C10orf88: variants seen among roughly 807,000 people sequenced by gnomAD.
The protein encoded by C10orf88 is chromosome 10 open reading frame 88.
C10orf88 carries 29 observed loss-of-function variants against 34.2 expected under a neutral mutation model. The observed-to-expected ratio is 0.85, with a 90% CI of 0.63 to 1.16. C10orf88 has a LOEUF of 1.16. Ranked by LOEUF, C10orf88 falls within the 50% of genes most tolerant of loss-of-function variation. The probability of loss-of-function intolerance (pLI) is 0.00; values close to 1 mark genes in which losing one functional copy is unlikely to be tolerated. For synonymous variants in C10orf88, 194 were observed against 197.4 expected, an observed-to-expected ratio of 0.98 and a Z score of 0.15; for missense variants, 507 against 533.2, an observed-to-expected ratio of 0.95 and a Z score of 0.48.
At chr10:122,934,522 A>G (rs1374396892) in intron 5 of C10orf88, among the ~76,000 whole-genome samples, 4 of 152,194 alleles carry the variant, frequency 2.6e-5, no homozygotes, top group Non-Finnish European at 5.9e-5. Context: ...ACTGCTCATC[A>G]GCACTGCGTG....
At position 122,938,117 on chromosome 10, in the gene C10orf88, T is replaced by A. The variant is rs777301305; in HGVS notation, c.691A>T (p.Asn231Tyr). ...CCAATCATATGCTTGTATCCAGAAT[T>A]GCCCAACACCGACTGAAGCTGCTCT... ...IGEQLQSVLGNSGYKHMIGLQ... is the reference protein window; with the variant it reads ...IGEQLQSVLGYSGYKHMIGLQ... Residue 231 changes from asparagine (N) to tyrosine (Y), a missense_variant, in exon 5 of 6, where the codon AAT (asparagine) becomes TAT (tyrosine). Asn to Tyr is a moderately radical substitution (Grantham distance 143, BLOSUM62 -2). Transcript: ENST00000481909. 11 of 1,609,914 alleles carry A rather than the reference T, an allele frequency of 6.8e-6. No homozygotes were observed. The highest frequency in any genetic ancestry group is 8.5e-6 in the Non-Finnish European group (10 of 1,177,312).
At chr10:122,935,577 AT>A (rs916031780) in intron 5 of C10orf88, among the ~76,000 whole-genome samples, 61 of 151,910 alleles carry the variant, frequency 4.0e-4, no homozygotes, top group African/African-American at 1.4e-3. Flanking sequence ...CTTTTTCAAA[AT>A]TTTTTATAGT....
chr10:122,952,047 ATT>A, intron 2 of C10orf88, 21 bp from the exon 3 acceptor site: 1 of 1,238,632 alleles, frequency 8.1e-7, no homozygotes, highest in Non-Finnish European at 1.1e-6. Context: ...AAAAGAATTA[ATT>A]TTTTTTACTT....
At chr10:122,952,047 ATTTT>A in intron 2 of C10orf88, 21 bp from the exon 3 acceptor site, 1 of 1,238,636 alleles carries the variant, frequency 8.1e-7, no homozygotes. Context: ...AAAAGAATTA[ATTTT>A]TTTTACTTAC....
chr10:122,937,717 A>T lies in C10orf88; in HGVS notation c.1091T>A (p.Ile364Asn). The T allele has an allele frequency of 6.2e-7, 1 of 1,603,714 alleles. No individual in the cohort carries two copies. The highest frequency in any genetic ancestry group is 8.5e-7 in the Non-Finnish European group (1 of 1,174,540). ...AAATAATACTTACCCAACACCAAGA[A>T]TGCGTTCACCATGCTTGGTGATGTT... ...QENITKHGERILGVGMEEQSI... is the reference protein window; with the variant it reads ...QENITKHGERNLGVGMEEQSI... Residue 364 changes from isoleucine (I) to asparagine (N), a missense_variant, in exon 5 of 6, where the codon ATT becomes AAT. Transcript: ENST00000481909.
chr10:122,952,254 T>C (rs531939704), intron 2 of C10orf88, among the ~76,000 whole-genome samples: 1 of 152,324 alleles, frequency 6.6e-6, no homozygotes, highest in Non-Finnish European at 1.5e-5. Flanking sequence ...TACAACCATG[T>C]AGCCAGACTG....
chr10:122,953,685 G>C (rs1848715451), intron 1 of C10orf88, among the ~76,000 whole-genome samples: 1 of 152,240 alleles, frequency 6.6e-6, no homozygotes, highest in African/African-American at 2.4e-5. Flanking sequence ...TGTTTTGGTG[G>C]ACAGGAGGTG....
chr10:122,945,107 T>C (rs1848627601), intron 4 of C10orf88, among the ~76,000 whole-genome samples: 1 of 151,652 alleles, frequency 6.6e-6, no homozygotes, highest in Non-Finnish European at 1.5e-5. Context: ...TATAGATAGA[T>C]ATATGTATGT....
In C10orf88 at chr10:122,931,620, A is replaced by G. The variant is rs1848485364; in HGVS notation, c.*807T>C. ...TATCAGAGAGAATTGCAATCCCTTGACTCATATGTGTTCATCCTTCCATGG... is the reference window on the plus strand; with the variant it reads ...TATCAGAGAGAATTGCAATCCCTTGGCTCATATGTGTTCATCCTTCCATGG... On this transcript the variant is annotated 3_prime_UTR_variant, in exon 6 of 6. Coordinates refer to ENST00000481909, the MANE Select transcript of C10orf88 (RefSeq NM_024942.4). The G allele has an allele frequency of 6.6e-6, 1 of 152,126 alleles. No individual in the cohort carries two copies. The highest frequency in any genetic ancestry group is 1.5e-5 in the Non-Finnish European group (1 of 68,014). The allele number at this position is 152,126 out of a possible 1,614,324, so 9.4% of individuals were successfully genotyped here. A position where few individuals can be genotyped will look rare whatever the true frequency, so the allele number is the denominator to read the frequency against.
Position 122,951,946 on chromosome 10 carries a change from CA to C in C10orf88, c.441+7del. On this transcript the variant is annotated splice_region_variant and intron_variant, in intron 3 of 5. Transcript: ENST00000481909. ...AGTTGTCAAATTAGTTTACAACTGA[CA>C]ACTTACCTTTATTTTACAAGCATGT... 1 of 1,522,826 alleles carries C rather than the reference CA, an allele frequency of 6.6e-7. No homozygotes were observed. The highest frequency in any genetic ancestry group is 9.0e-7 in the Non-Finnish European group (1 of 1,107,218). 94.3% of individuals were successfully genotyped at this position (1,522,826 alleles called of 1,614,324 possible).
chr10:122,933,515 C>T (rs1393523529), intron 5 of C10orf88: 1 of 152,106 alleles, frequency 6.6e-6, no homozygotes, highest in East Asian at 1.9e-4. Flanking sequence ...CTTGGGGTCT[C>T]CATGATTCTT....
chr10:122,946,565 T>C (rs1187436781), intron 4 of C10orf88, among the ~76,000 whole-genome samples: 1 of 152,158 alleles, frequency 6.6e-6, no homozygotes, highest in Non-Finnish European at 1.5e-5. Flanking sequence ...TGCATGACTG[T>C]GTATAATACT....
chr10:122,939,201 C>A (rs189461634), intron 4 of C10orf88, among the ~76,000 whole-genome samples: 2 of 150,998 alleles, frequency 1.3e-5, no homozygotes, highest in African/African-American at 2.4e-5. Flanking sequence ...AATACAGCAG[C>A]GAACAAAATA....
chr10:122,944,189 G>T (rs1480464512), intron 4 of C10orf88, among the ~76,000 whole-genome samples: 1 of 151,914 alleles, frequency 6.6e-6, no homozygotes, highest in African/African-American at 2.4e-5. Flanking sequence ...GGAATACTAT[G>T]CAGCCATAAA....
chr10:122,951,052 TCC>T (rs1848685074), intron 3 of C10orf88, among the ~76,000 whole-genome samples: 1 of 152,190 alleles, frequency 6.6e-6, no homozygotes, highest in Non-Finnish European at 1.5e-5. Context: ...CCAAGACTAA[TCC>T]ACTAGTCAGG....
intron 3 of C10orf88, among the ~76,000 whole-genome samples, chr10:122,951,705 G>T (rs1260901214): frequency 6.6e-6 from 1 of 152,128 alleles, no homozygotes; most frequent in Non-Finnish European, 1.5e-5. Flanking sequence ...GGTGGTGTAT[G>T]CCTGTAGTCC....
rs1373275709 is a variant in C10orf88 at position 122,931,596 on chromosome 10, A to T, written c.*831T>A. The T allele has an allele frequency of 6.6e-6, 1 of 152,218 alleles. No homozygotes were observed. Among genetic ancestry groups the T allele is most frequent in the Admixed American group, 6.5e-5 (1 of 15,280 alleles). 9.4% of individuals were successfully genotyped at this position (152,218 alleles called of 1,614,324 possible). ...GTTATAAGGTCTGAAAACTAAGTCT[A>T]TCAGAGAGAATTGCAATCCCTTGAC... On this transcript the variant is annotated 3_prime_UTR_variant, in exon 6 of 6. Transcript: ENST00000481909.
chr10:122,952,100 T>C (rs1302393577), intron 2 of C10orf88, 74 bp from the exon 3 acceptor site: 1 of 791,178 alleles, frequency 1.3e-6, no homozygotes, highest in Non-Finnish European at 2.0e-6. Context: ...TAAAAATAAA[T>C]GTTTCCAGAA....
At chr10:122,935,864 T>C (rs1422081690) in intron 5 of C10orf88, among the ~76,000 whole-genome samples, 1 of 151,776 alleles carries the variant, frequency 6.6e-6, no homozygotes, top group Non-Finnish European at 1.5e-5. Flanking sequence ...AATTTTTTCA[T>C]ATATTTTATA....
Sources: gnomAD v4.1 joint callset for allele counts (sites outside exome capture counted in the v4.1 genomes callset) on GRCh38, gnomAD v4.1.1 for gene constraint, MANE v1.5 for transcripts, NCBI Gene and HGNC (gene_info 2026-07-23, HGNC 2026-07-21) for gene names.